The following PPARGC1A variants were observed in gnomAD, a reference collection of about 807,000 sequenced individuals.
PPARGC1A encodes peroxisome proliferator-activated receptor gamma coactivator 1-alpha.
In PPARGC1A, 25 loss-of-function variants were observed where a neutral mutation model predicts 88.7. That is an observed-to-expected ratio of 0.28 (90% CI 0.21 to 0.39). The LOEUF is 0.39. Among genes scored for constraint, PPARGC1A ranks in the 10% least tolerant of loss-of-function variants. The pLI is 1.00. For missense variants in PPARGC1A, 880 were observed against 968.7 expected, an observed-to-expected ratio of 0.91 and a Z score of 1.22; for synonymous variants, 363 against 355.6, an observed-to-expected ratio of 1.02 and a Z score of -0.24.
the PPARGC1A span, among the ~76,000 whole-genome samples, chr4:24,222,095 CATG>C: frequency 1.3e-5 from 2 of 152,280 alleles, no homozygotes; most frequent in Middle Eastern, 3.4e-3. Context: ...AAGATATCAT[CATG>C]ATGTTTGACT....
chr4:23,902,654 T>C (rs140167720), upstream of PPARGC1A, among the ~76,000 whole-genome samples: 613 of 152,222 alleles, frequency 4.0e-3, 2 homozygotes, highest in African/African-American at 0.014. Context: ...ACACCAAGTA[T>C]GCAAAGTCTG....
At chr4:24,295,889 C>T in the PPARGC1A span, among the ~76,000 whole-genome samples, 4 of 151,118 alleles carry the variant, frequency 2.6e-5, no homozygotes, top group Admixed American at 1.3e-4. Flanking sequence ...TGCCCAGCCT[C>T]GGTGCTAGGC....
the PPARGC1A span, among the ~76,000 whole-genome samples, chr4:24,284,129 CAAAAAAAA>C: frequency 8.5e-6 from 1 of 117,940 alleles, no homozygotes; most frequent in Admixed American, 8.8e-5. Context: ...CTAAAAATAC[CAAAAAAAA>C]AAAAAAAAAA....
At chr4:23,934,541 A>T in the PPARGC1A span, among the ~76,000 whole-genome samples, 2 of 152,132 alleles carry the variant, frequency 1.3e-5, no homozygotes, top group Non-Finnish European at 2.9e-5. Flanking sequence ...TAATCTGTGG[A>T]ATGATGGAGA....
At chr4:24,080,343 G>A in the PPARGC1A span, among the ~76,000 whole-genome samples, 2 of 151,712 alleles carry the variant, frequency 1.3e-5, no homozygotes, top group African/African-American at 4.8e-5. Context: ...GTTTCTAAAT[G>A]ATTATAACCA....
rs1577313464 is a variant in PPARGC1A, at chr4:23,796,059, T to C, written c.2294-134A>G. 6 of 692,710 alleles carry C rather than the reference T, an allele frequency of 8.7e-6. No homozygotes were observed. In the Middle Eastern group the frequency reaches 1.2e-3, roughly 133 times the overall value. 42.9% of individuals were successfully genotyped at this position (692,710 alleles called of 1,614,324 possible). On this transcript the variant is annotated intron_variant, in intron 12 of 12. Coordinates refer to ENST00000264867, the MANE Select transcript of PPARGC1A (RefSeq NM_013261.5). ...ACTTTAGAAAACAATAGTCAGATTTTATTGGATATATATGGATATATAGGA... is the reference window on the plus strand; with the variant it reads ...ACTTTAGAAAACAATAGTCAGATTTCATTGGATATATATGGATATATAGGA...
chr4:24,112,748 C>A, the PPARGC1A span, among the ~76,000 whole-genome samples: 6 of 152,158 alleles, frequency 3.9e-5, no homozygotes. Flanking sequence ...CAATAGCAAT[C>A]TCATCAAAAC....
intron 5 of PPARGC1A, among the ~76,000 whole-genome samples, chr4:23,825,459 G>T (rs1196498086): frequency 6.6e-6 from 1 of 151,998 alleles, no homozygotes; most frequent in Non-Finnish European, 1.5e-5. Flanking sequence ...AACCAAAAAG[G>T]TCTTTAGAAT....
the PPARGC1A span, among the ~76,000 whole-genome samples, chr4:24,152,831 TTAAA>T: frequency 1.3e-5 from 2 of 152,202 alleles, no homozygotes; most frequent in Non-Finnish European, 2.9e-5. Context: ...ACTCTAGGTC[TTAAA>T]TAAATAAATG....
the PPARGC1A span, among the ~76,000 whole-genome samples, chr4:24,045,665 C>A: frequency 6.6e-6 from 1 of 152,144 alleles, no homozygotes; most frequent in South Asian, 2.1e-4. Context: ...TATACAGACA[C>A]CAGTAATTGG....
the PPARGC1A span, among the ~76,000 whole-genome samples, chr4:24,342,685 G>C: frequency 2.6e-5 from 4 of 152,290 alleles, no homozygotes; most frequent in Non-Finnish European, 4.4e-5. Context: ...AATGGGCAAA[G>C]TGATTAAAAA....
the PPARGC1A span, among the ~76,000 whole-genome samples, chr4:24,331,752 A>T: frequency 1.7e-5 from 2 of 115,894 alleles, no homozygotes; most frequent in Admixed American, 2.2e-4. Context: ...CTCTAAGGTG[A>T]ACTCTGTGTT....
the PPARGC1A span, among the ~76,000 whole-genome samples, chr4:24,418,688 T>A: frequency 6.6e-6 from 1 of 152,206 alleles, no homozygotes; most frequent in Non-Finnish European, 1.5e-5. Context: ...GATTAAGTAA[T>A]TATACAAAAA....
the PPARGC1A span, among the ~76,000 whole-genome samples, chr4:24,010,699 A>G: frequency 1.3e-5 from 2 of 152,356 alleles, no homozygotes; most frequent in East Asian, 3.9e-4. Flanking sequence ...ATCACAGGGC[A>G]GTAGTTTTGA....
intron 2 of PPARGC1A, chr4:23,883,179 G>T (rs1716265036): frequency 6.6e-6 from 1 of 152,204 alleles, no homozygotes; most frequent in African/African-American, 2.4e-5. Flanking sequence ...GCCTGGGAAA[G>T]TAGAACTAAC....
chr4:24,086,941 C>T, the PPARGC1A span, among the ~76,000 whole-genome samples: 1 of 152,132 alleles, frequency 6.6e-6, no homozygotes, highest in African/African-American at 2.4e-5. Context: ...CAATGTTACA[C>T]AGTTAGGAAT....
chr4:24,459,987 G>A, the PPARGC1A span, among the ~76,000 whole-genome samples: 1 of 152,128 alleles, frequency 6.6e-6, no homozygotes, highest in African/African-American at 2.4e-5. Flanking sequence ...TATTTTTAAA[G>A]ACTGACATAT....
the PPARGC1A span, among the ~76,000 whole-genome samples, chr4:23,912,433 G>C: frequency 6.6e-6 from 1 of 152,160 alleles, no homozygotes. Context: ...TCTTAATCAT[G>C]TGTGTCAATT....
At chr4:24,465,299 A>C in the PPARGC1A span, among the ~76,000 whole-genome samples, 5 of 152,196 alleles carry the variant, frequency 3.3e-5, no homozygotes, top group African/African-American at 1.2e-4. Flanking sequence ...ATGTAATACC[A>C]CCTAATGGCA....
Sources: gnomAD v4.1 joint callset for allele counts (sites outside exome capture counted in the v4.1 genomes callset) on GRCh38, gnomAD v4.1.1 for gene constraint, MANE v1.5 for transcripts, NCBI Gene and HGNC (gene_info 2026-07-23, HGNC 2026-07-21) for gene names.